TCF7L2: variants seen among roughly 807,000 people sequenced by gnomAD.
TCF7L2 encodes the protein transcription factor 7-like 2.
A neutral mutation model predicts 77.9 loss-of-function variants in TCF7L2; 23 were observed. That is an observed-to-expected ratio of 0.30 (90% confidence interval 0.21 to 0.42). The LOEUF (loss-of-function observed/expected upper bound fraction) is 0.42, where lower values mean the gene tolerates loss of function less well. TCF7L2 is among the 10% of genes least tolerant of loss of function. The pLI is 1.00. For synonymous variants in TCF7L2, 413 were observed against 340.2 expected (o/e 1.21, Z -2.36); for missense variants, 654 against 793.1 (o/e 0.82, Z 2.11).
intron 5 of TCF7L2, among the ~76,000 whole-genome samples, chr10:113,091,200 C>G (rs1279929767): frequency 1.3e-5 from 2 of 152,184 alleles, no homozygotes; most frequent in African/African-American, 4.8e-5. Flanking sequence ...CCGTGTCTGG[C>G]CGATAATCTC....
chr10:113,035,785 A>G (rs1489850413), intron 4 of TCF7L2, among the ~76,000 whole-genome samples: 4 of 152,276 alleles, frequency 2.6e-5, no homozygotes, highest in Non-Finnish European at 1.5e-5. Context: ...ACATTTCAGT[A>G]TCTGTAAATA....
intron 4 of TCF7L2, among the ~76,000 whole-genome samples, chr10:112,985,696 G>T (rs1051505055): frequency 6.6e-6 from 1 of 152,188 alleles, no homozygotes; most frequent in East Asian, 1.9e-4. Flanking sequence ...AAGGGTCCTC[G>T]ATTGGAGCCT....
intron 4 of TCF7L2, among the ~76,000 whole-genome samples, chr10:112,986,011 C>A (rs2041461422): frequency 6.6e-6 from 1 of 152,046 alleles, no homozygotes; most frequent in African/African-American, 2.4e-5. Flanking sequence ...GTGTGATCTT[C>A]AAAGACGAGG....
In TCF7L2 at chr10:113,034,972, C is replaced by G. The variant is rs144441958; in HGVS notation, c.451-5053C>G. ...CTTCCCCTCTCCCCTCCCCTCCTTCCCTTTCCTCCCCTTTCCTTCCCTTTC... is the reference window on the plus strand; with the variant it reads ...CTTCCCCTCTCCCCTCCCCTCCTTCGCTTTCCTCCCCTTTCCTTCCCTTTC... On this transcript the variant is annotated intron_variant, in intron 4 of 13. Coordinates refer to ENST00000627217, the MANE Select transcript of TCF7L2 (RefSeq NM_001146274.2). Among the ~76,000 whole-genome samples, 568 of 151,250 alleles carry G rather than the reference C, an allele frequency of 3.8e-3. 2 individuals are homozygous for G. The highest frequency in any genetic ancestry group is 0.013 in the African/African-American group (543 of 40,640).
At chr10:113,146,135 G>T in intron 8 of TCF7L2, 38 bp downstream of exon 8, 1 of 1,597,976 alleles carries the variant, frequency 6.3e-7, no homozygotes, top group Non-Finnish European at 8.6e-7. Flanking sequence ...CCAAGGCCAT[G>T]TGTGACTTCT....
rs768263298 is a variant in TCF7L2 at position 113,152,323 on chromosome 10, T to TC, written c.1162-6dup. On this transcript the variant is annotated splice_polypyrimidine_tract_variant and intron_variant, in intron 10 of 13. Transcript: ENST00000627217. ...ATGTCTTTCTCATCTGTACCCCACG[T>TC]CCCCTCCAGTGGCATGCACTGTCCA... The TC allele has an allele frequency of 2.7e-5, 44 of 1,609,998 alleles. 1 individual carries two copies. In the Admixed American group the frequency reaches 6.2e-4, roughly 23 times the overall value.
chr10:113,025,449 G>T (rs1346052028), intron 4 of TCF7L2, among the ~76,000 whole-genome samples: 3 of 152,128 alleles, frequency 2.0e-5, no homozygotes, highest in Admixed American at 6.5e-5. Context: ...GTGTTGGCCA[G>T]GTTGGTCTTG....
chr10:113,101,838 GTC>G (rs2061673352), intron 5 of TCF7L2, among the ~76,000 whole-genome samples: 13 of 7,412 alleles, frequency 1.8e-3, no homozygotes, highest in East Asian at 0.019. Context: ...GCGAGACTCC[GTC>G]TCAAAAAAAA....
intron 12 of TCF7L2, 33 bp downstream of exon 12, chr10:113,158,102 C>T (rs373803939): frequency 1.0e-4 from 157 of 1,575,822 alleles, no homozygotes; most frequent in Non-Finnish European, 1.3e-4. Context: ...GAGGAAGGAG[C>T]TGTAGCCTGA....
At chr10:112,963,195 G>C (rs6585195) in intron 3 of TCF7L2, among the ~76,000 whole-genome samples, 43,094 of 152,032 alleles carry the variant, frequency 0.28, 9,517 homozygotes, top group East Asian at 0.67. Context: ...TATAGACTTA[G>C]CCCATGAACA....
intron 4 of TCF7L2, among the ~76,000 whole-genome samples, chr10:112,988,451 G>A (rs757864507): frequency 3.3e-5 from 5 of 152,172 alleles, no homozygotes; most frequent in East Asian, 1.9e-4. Context: ...GGCTCAAGGC[G>A]TCCTTTTTAT....
intron 3 of TCF7L2, among the ~76,000 whole-genome samples, chr10:112,960,621 T>G (rs915656956): frequency 6.6e-6 from 1 of 151,704 alleles, no homozygotes; most frequent in African/African-American, 2.4e-5. Context: ...GGAAATGATG[T>G]GGAGTGGTCT....
At position 113,022,333 on chromosome 10, in the gene TCF7L2, A is replaced by T. The variant is rs113225220; in HGVS notation, c.451-17692A>T. On this transcript the variant is annotated intron_variant, in intron 4 of 13. Transcript: ENST00000627217. Reference sequence around the variant, plus strand: ...AGAATCAGAATTCTGCTGGGCTTGCAAGCATTTAAAAAATCTCTATAAGTT... The same window carrying T: ...AGAATCAGAATTCTGCTGGGCTTGCTAGCATTTAAAAAATCTCTATAAGTT... Among the ~76,000 whole-genome samples the T allele has an allele frequency of 9.0e-3, 1,374 of 152,326 alleles. 11 individuals carry two copies. The highest frequency in any genetic ancestry group is 0.014 in the Non-Finnish European group (971 of 68,034).
rs143119704 is a variant in TCF7L2 at position 112,952,491 on chromosome 10, G to A, written c.381+884G>A. Among the ~76,000 whole-genome samples the A allele has an allele frequency of 5.7e-4, 87 of 152,288 alleles. 1 individual carries two copies. The East Asian group carries it at 0.013, about 23-fold the overall frequency. On this transcript the variant is annotated intron_variant, in intron 3 of 13. Coordinates refer to ENST00000627217, the MANE Select transcript of TCF7L2 (RefSeq NM_001146274.2). ...CCCCTGCGGCCCGGATTCTTGGTTT[G>A]TGTGCAGCCGGAATGGACTCCTCCA...
chr10:113,050,699 T>TAAATGAAG (rs1435449857), intron 5 of TCF7L2, among the ~76,000 whole-genome samples: 1 of 152,140 alleles, frequency 6.6e-6, no homozygotes. Flanking sequence ...AAGGAATGTC[T>TAAATGAAG]GAGACTCAGA....
chr10:113,029,623 T>C (rs1269632412), intron 4 of TCF7L2, among the ~76,000 whole-genome samples: 2 of 150,682 alleles, frequency 1.3e-5, no homozygotes, highest in African/African-American at 4.9e-5. Context: ...ACCTCCTGGG[T>C]TCAAGCGATT....
chr10:113,048,739 G>T (rs1215275334), intron 5 of TCF7L2, among the ~76,000 whole-genome samples: 1 of 152,208 alleles, frequency 6.6e-6, no homozygotes, highest in African/African-American at 2.4e-5. Flanking sequence ...CAGGCTGAGG[G>T]CTCCTATCTC....
chr10:113,101,253 T>C (rs576188682), intron 5 of TCF7L2, among the ~76,000 whole-genome samples: 1 of 152,186 alleles, frequency 6.6e-6, no homozygotes, highest in Non-Finnish European at 1.5e-5. Flanking sequence ...GGATATATCT[T>C]ATCTCATAAG....
At chr10:113,066,205 A>AT (rs1428236335) in intron 5 of TCF7L2, among the ~76,000 whole-genome samples, 1 of 152,138 alleles carries the variant, frequency 6.6e-6, no homozygotes, top group African/African-American at 2.4e-5. Flanking sequence ...TCTACTAAAA[A>AT]TAAAAAAAAT....
Sources: allele counts gnomAD v4.1 joint callset (sites outside exome capture counted in the v4.1 genomes callset), GRCh38; gene constraint gnomAD v4.1.1; transcripts MANE v1.5; gene names NCBI Gene and HGNC (gene_info 2026-07-23, HGNC 2026-07-21).